The following CSMD1 variants were observed in gnomAD, a reference collection of about 807,000 sequenced individuals.
CSMD1 encodes the protein CUB and Sushi multiple domains 1.
A neutral mutation model predicts 417.5 loss-of-function variants in CSMD1; 213 were observed. The observed-to-expected ratio is 0.51, with a 90% CI of 0.46 to 0.57. The LOEUF is 0.57. CSMD1 is among the 20% of genes least tolerant of loss of function. CSMD1 has a pLI of 0.00. For missense variants in CSMD1, 6,923 were observed against 4,529.7 expected (o/e 1.53, Z -15.17); for synonymous variants, 2,862 against 1,736.8 (o/e 1.65, Z -16.11).
At chr8:3,071,816 T>G (rs1040914158) in intron 49 of CSMD1, among the ~76,000 whole-genome samples, 2 of 152,192 alleles carry the variant, frequency 1.3e-5, no homozygotes, top group African/African-American at 4.8e-5. Flanking sequence ...TCATTTCATA[T>G]ATTTATAATT....
rs1801188746 is a variant in CSMD1, at chr8:4,353,013, T to C, written c.415+66940A>G. 2.6e-5 allele frequency among the ~76,000 whole-genome samples: 4 copies of C among 152,370 alleles called. No individual in the cohort carries two copies. In the South Asian group the frequency reaches 8.3e-4, roughly 32 times the overall value. ...CATTAAAATGACTAATTATTTCCTC[T>C]GGATACTATTTCCTGAGTCTTAATA... On this transcript the variant is annotated intron_variant, in intron 3 of 69. Coordinates refer to ENST00000635120, the MANE Select transcript of CSMD1 (RefSeq NM_033225.6).
intron 9 of CSMD1, among the ~76,000 whole-genome samples, chr8:3,581,119 G>A (rs749160509): frequency 1.3e-5 from 2 of 152,124 alleles, no homozygotes; most frequent in Admixed American, 6.6e-5. Context: ...TAGCATTAAA[G>A]AAGTTCTCTA....
At chr8:3,346,394 T>C (rs1807996523) in intron 22 of CSMD1, among the ~76,000 whole-genome samples, 2 of 152,242 alleles carry the variant, frequency 1.3e-5, no homozygotes, top group Admixed American at 1.3e-4. Context: ...TACTGACTTC[T>C]AAATTTGAGG....
At position 4,179,248 on chromosome 8, in the gene CSMD1, G is replaced by C. The variant is rs184692823; in HGVS notation, c.416-147149C>G. Among the ~76,000 whole-genome samples the C allele has an allele frequency of 7.4e-3, 1,125 of 152,136 alleles. 9 individuals carry two copies. Among genetic ancestry groups the C allele is most frequent in the African/African-American group, 0.025 (1,052 of 41,450 alleles). On this transcript the variant is annotated intron_variant, in intron 3 of 69. Transcript: ENST00000635120. ...AACAGAGATATAAATCAATGGAACA[G>C]AACAGAGCCCTCAGAAATAATGCCA...
intron 3 of CSMD1, among the ~76,000 whole-genome samples, chr8:4,044,138 T>A (rs372415985): frequency 2.6e-5 from 4 of 152,216 alleles, no homozygotes; most frequent in African/African-American, 9.7e-5. Context: ...GTTCTCATCT[T>A]AACAGTAAGA....
chr8:4,104,269 A>AT, intron 3 of CSMD1, among the ~76,000 whole-genome samples: 1 of 152,348 alleles, frequency 6.6e-6, no homozygotes, highest in East Asian at 1.9e-4. Context: ...ATCTCACTCC[A>AT]TCTTTTCTTT....
chr8:4,147,145 G>C (rs1013171143), intron 3 of CSMD1, among the ~76,000 whole-genome samples: 3 of 151,702 alleles, frequency 2.0e-5, no homozygotes, highest in Non-Finnish European at 4.4e-5. Flanking sequence ...ACCCTCACAT[G>C]ATTCTTCTTC....
At chr8:4,365,496 T>G (rs1189323516) in intron 3 of CSMD1, among the ~76,000 whole-genome samples, 1 of 152,226 alleles carries the variant, frequency 6.6e-6, no homozygotes, top group Admixed American at 6.5e-5. Flanking sequence ...CTTAGGGCAG[T>G]GCTACGAATC....
intron 1 of CSMD1, among the ~76,000 whole-genome samples, chr8:4,979,875 A>G (rs1810781764): frequency 6.6e-6 from 1 of 151,994 alleles, no homozygotes; most frequent in Non-Finnish European, 1.5e-5. Context: ...ATCTCTACTA[A>G]AAATACAAAA....
At chr8:3,455,183 C>G (rs1429633258) in intron 12 of CSMD1, among the ~76,000 whole-genome samples, 1 of 152,142 alleles carries the variant, frequency 6.6e-6, no homozygotes, top group Admixed American at 6.5e-5. Flanking sequence ...AAGGACTTCT[C>G]TGCATTGGTT....
intron 1 of CSMD1, among the ~76,000 whole-genome samples, chr8:4,765,570 G>A (rs1009645205): frequency 4.3e-4 from 65 of 152,204 alleles, no homozygotes; most frequent in African/African-American, 1.5e-3. Flanking sequence ...TTGATCAACT[G>A]AGATATGGAC....
intron 5 of CSMD1, among the ~76,000 whole-genome samples, chr8:3,760,800 A>T (rs1191380343): frequency 6.6e-6 from 1 of 152,182 alleles, no homozygotes; most frequent in African/African-American, 2.4e-5. Flanking sequence ...AAGTCTCTTT[A>T]ACTATGATGA....
At chr8:4,249,248 T>C (rs1160255259) in intron 3 of CSMD1, among the ~76,000 whole-genome samples, 1 of 152,186 alleles carries the variant, frequency 6.6e-6, no homozygotes, top group Non-Finnish European at 1.5e-5. Context: ...AGGGCAAACA[T>C]TTCTCTTTTA....
At chr8:3,206,576 T>A (rs1291288262) in intron 30 of CSMD1, among the ~76,000 whole-genome samples, 1 of 136,194 alleles carries the variant, frequency 7.3e-6, no homozygotes, top group Non-Finnish European at 1.5e-5. Flanking sequence ...TGTGTGTGTG[T>A]GTGTATGTGT....
intron 6 of CSMD1, among the ~76,000 whole-genome samples, chr8:3,741,836 A>G (rs1796821505): frequency 6.6e-6 from 1 of 152,190 alleles, no homozygotes; most frequent in African/African-American, 2.4e-5. Flanking sequence ...AATGTGCTCA[A>G]GTCGGCTTTA....
intron 5 of CSMD1, among the ~76,000 whole-genome samples, chr8:3,888,688 G>A (rs895365896): frequency 6.6e-6 from 1 of 152,180 alleles, no homozygotes; most frequent in African/African-American, 2.4e-5. Flanking sequence ...GAAAGAGGCT[G>A]CCGGGACAGA....
chr8:4,025,190 G>A (rs994383881), intron 4 of CSMD1, among the ~76,000 whole-genome samples: 2 of 152,212 alleles, frequency 1.3e-5, no homozygotes, highest in South Asian at 2.1e-4. Context: ...CCTCCTGGGG[G>A]AGTGTTCTGG....
chr8:3,274,155 A>G (rs1802086947), intron 26 of CSMD1, among the ~76,000 whole-genome samples: 1 of 151,698 alleles, frequency 6.6e-6, no homozygotes, highest in African/African-American at 2.4e-5. Flanking sequence ...TTCAAAGAAC[A>G]TCTTTATTTC....
intron 3 of CSMD1, among the ~76,000 whole-genome samples, chr8:4,393,484 A>C (rs1447616365): frequency 3.3e-5 from 5 of 152,186 alleles, no homozygotes; most frequent in Admixed American, 2.6e-4. Flanking sequence ...AGATGGCAGC[A>C]GCCACTATGT....
Sources: gnomAD v4.1 joint callset for allele counts (sites outside exome capture counted in the v4.1 genomes callset) on GRCh38, gnomAD v4.1.1 for gene constraint, MANE v1.5 for transcripts, NCBI Gene and HGNC (gene_info 2026-07-23, HGNC 2026-07-21) for gene names.